Variants in SLC9B1 observed in about 807,000 individuals in gnomAD.
SLC9B1 encodes sodium/hydrogen exchanger 9B1.
SLC9B1 carries 32 observed loss-of-function variants against 51.7 expected under a neutral mutation model. The ratio of observed to expected loss-of-function variants is 0.62; its 90% CI spans 0.47 to 0.83. The LOEUF (loss-of-function observed/expected upper bound fraction) is 0.83, where lower values mean the gene tolerates loss of function less well. Among genes scored for constraint, SLC9B1 ranks in the 40% least tolerant of loss-of-function variants. SLC9B1 has a pLI of 0.00. For synonymous variants in SLC9B1, 145 were observed against 212.7 expected, an observed-to-expected ratio of 0.68 and a Z score of 2.77; for missense variants, 406 against 613.2, an observed-to-expected ratio of 0.66 and a Z score of 3.57.
intron 3 of SLC9B1, among the ~76,000 whole-genome samples, chr4:102,955,931 GT>G (rs1326009792): frequency 6.6e-6 from 1 of 152,122 alleles, no homozygotes; most frequent in Non-Finnish European, 1.5e-5. Context: ...CAAGGCTAGA[GT>G]TTTCCAGTTC....
Position 102,901,126 on chromosome 4 carries a change from T to C in SLC9B1, c.1539A>G (p.Glu513=), listed in dbSNP as rs1734765263. 1.9e-6 allele frequency: 3 copies of C among 1,610,802 alleles called. No individual in the cohort carries two copies. The highest frequency in any genetic ancestry group is 2.5e-6 in the Non-Finnish European group (3 of 1,179,722). ...ATGACAGGTAAACTTTTTAATGATG[T>C]TCTAATGTTGACAACTGCAGTTTTA... ...SKIKLQLSTL[E]HH The change falls in exon 12 of 12, where the codon GAA becomes GAG. Residue 513 remains glutamate (E), a synonymous_variant. Coordinates refer to ENST00000296422, the MANE Select transcript of SLC9B1 (RefSeq NM_139173.4).
At chr4:102,950,096 C>T (rs1302946231) in intron 3 of SLC9B1, among the ~76,000 whole-genome samples, 2 of 152,104 alleles carry the variant, frequency 1.3e-5, no homozygotes, top group Non-Finnish European at 2.9e-5. Flanking sequence ...ATAGCTTTTT[C>T]ATCAGGATGG....
At chr4:102,931,485 C>T (rs1450506018) in intron 7 of SLC9B1, among the ~76,000 whole-genome samples, 1 of 151,982 alleles carries the variant, frequency 6.6e-6, no homozygotes, top group Non-Finnish European at 1.5e-5. Context: ...TTAAGAGAAA[C>T]TATAAAACTA....
At chr4:102,931,492 A>C (rs903528102) in intron 7 of SLC9B1, among the ~76,000 whole-genome samples, 4 of 152,172 alleles carry the variant, frequency 2.6e-5, no homozygotes, top group African/African-American at 9.7e-5. Flanking sequence ...AAACTATAAA[A>C]CTATATATAT....
At chr4:102,893,939 G>A (rs1734406741) in intron 11 of SLC9B1, among the ~76,000 whole-genome samples, 1 of 151,984 alleles carries the variant, frequency 6.6e-6, no homozygotes, top group Admixed American at 6.6e-5. Flanking sequence ...AGACCAATCT[G>A]ACATACATAT....
intron 6 of SLC9B1, among the ~76,000 whole-genome samples, 190 bp from the exon 7 acceptor site, chr4:102,932,489 T>C (rs1412983795): frequency 6.6e-6 from 1 of 152,212 alleles, no homozygotes; most frequent in Non-Finnish European, 1.5e-5. Context: ...TATACAGATG[T>C]GGTTTAAAAT....
At chr4:103,005,237 T>C (rs1740718623) in intron 1 of SLC9B1, among the ~76,000 whole-genome samples, 2 of 130,420 alleles carry the variant, frequency 1.5e-5, no homozygotes, top group Admixed American at 7.8e-5. Flanking sequence ...AGTAAAGGAA[T>C]AGAGAAAAAT....
chr4:103,000,830 C>T (rs547792755), intron 1 of SLC9B1, among the ~76,000 whole-genome samples: 1 of 152,316 alleles, frequency 6.6e-6, no homozygotes, highest in South Asian at 2.1e-4. Flanking sequence ...AATGGATCTA[C>T]CATTCTGGTG....
intron 3 of SLC9B1, among the ~76,000 whole-genome samples, chr4:102,975,586 A>ATATTT (rs1217142990): frequency 2.6e-4 from 16 of 62,308 alleles, no homozygotes; most frequent in Admixed American, 1.1e-3. Context: ...ATATATATAT[A>ATATTT]TTTTTTTTTT....
rs749342073 is a variant in SLC9B1 at position 102,949,256 on chromosome 4, C to A, written c.382+1G>T. ...GAAAAGAGAGCTAATTATATACTTA[C>A]CAAGAAGAGGTGGAAGTGGAGGCAC... On this transcript the variant is annotated splice_donor_variant, in intron 4 of 11. Transcript: ENST00000296422. LOFTEE classifies it high-confidence loss of function. 14 of 1,569,508 alleles carry A rather than the reference C, an allele frequency of 8.9e-6. No individual in the cohort carries two copies. The highest frequency in any genetic ancestry group is 1.4e-5 in the African/African-American group (1 of 72,716).
chr4:102,897,639 A>T (rs1197518856), downstream of SLC9B1: 12 of 315,526 alleles, frequency 3.8e-5, 1 homozygote, highest in Admixed American at 4.7e-4. Flanking sequence ...TGCTCAACTA[A>T]GATCAAATCC....
At chr4:102,941,473 T>C in intron 6 of SLC9B1, 1 of 454,994 alleles carries the variant, frequency 2.2e-6, no homozygotes, top group Non-Finnish European at 4.4e-6. Flanking sequence ...GAATGGCTAT[T>C]ATCAAAAAGT....
In SLC9B1 at chr4:102,894,647, C is replaced by T. The variant is rs191540216; in HGVS notation, c.1333-9319G>A. On this transcript the variant is annotated intron_variant, in intron 11 of 11. Coordinates refer to the SLC9B1 transcript ENST00000394789. ...AAGAAAAAAACTATAAAAATGTTAC[C>T]AAAAGCTACTGAATAAGAAACACAT... Among the ~76,000 whole-genome samples the T allele has an allele frequency of 2.0e-4, 31 of 151,944 alleles. No individual in the cohort carries two copies. The East Asian group carries it at 6.0e-3, about 29-fold the overall frequency.
intron 7 of SLC9B1, among the ~76,000 whole-genome samples, chr4:102,919,185 G>A (rs950513883): frequency 1.3e-5 from 2 of 152,122 alleles, no homozygotes; most frequent in African/African-American, 4.8e-5. Context: ...ATTAACATTC[G>A]GCTCCTTGTT....
At chr4:102,992,555 C>G (rs1397672735) in intron 1 of SLC9B1, among the ~76,000 whole-genome samples, 1 of 152,168 alleles carries the variant, frequency 6.6e-6, no homozygotes, top group Non-Finnish European at 1.5e-5. Context: ...ATGCTAGCTG[C>G]TTTACATCTA....
chr4:102,914,567 T>C (rs1735494576), intron 7 of SLC9B1, among the ~76,000 whole-genome samples: 1 of 152,174 alleles, frequency 6.6e-6, no homozygotes, highest in Admixed American at 6.5e-5. Context: ...TGGAGTTGAT[T>C]AGGTCTGATG....
intron 7 of SLC9B1, chr4:102,911,920 G>A (rs1735357193): frequency 5.5e-6 from 1 of 181,084 alleles, no homozygotes; most frequent in South Asian, 1.0e-4. Context: ...ATTACTTGAG[G>A]TCAGGAGTTC....
Position 102,958,594 on chromosome 4 carries a change from T to C in SLC9B1, c.212-9167A>G, listed in dbSNP as rs532489646. On this transcript the variant is annotated intron_variant, in intron 3 of 11. Coordinates refer to ENST00000296422, the MANE Select transcript of SLC9B1 (RefSeq NM_139173.4). ...TGAGCCCAGGAGTTTGAGGCTGCAATAAGCTATGACCATGCCATTGTCTCT... is the reference window on the plus strand; with the variant it reads ...TGAGCCCAGGAGTTTGAGGCTGCAACAAGCTATGACCATGCCATTGTCTCT... Among the ~76,000 whole-genome samples the C allele has an allele frequency of 4.6e-5, 7 of 152,126 alleles. No individual in the cohort carries two copies. The South Asian group carries it at 1.5e-3, about 32-fold the overall frequency.
intron 3 of SLC9B1, among the ~76,000 whole-genome samples, chr4:102,974,418 G>C (rs1237885336): frequency 6.6e-6 from 1 of 151,672 alleles, no homozygotes; most frequent in Non-Finnish European, 1.5e-5. Flanking sequence ...CACACTTCTG[G>C]TAAGATTGAT....
Sources: allele counts gnomAD v4.1 joint callset (sites outside exome capture counted in the v4.1 genomes callset), GRCh38; gene constraint gnomAD v4.1.1; transcripts MANE v1.5; gene names NCBI Gene and HGNC (gene_info 2026-07-23, HGNC 2026-07-21).